The following FAM169A variants were observed in gnomAD, a reference collection of about 807,000 sequenced individuals.
FAM169A encodes soluble lamin-associated protein of 75 kDa.
Under a neutral mutation model 75.7 loss-of-function variants are expected in FAM169A, and 24 were observed. The ratio of observed to expected loss-of-function variants is 0.32; its 90% CI spans 0.23 to 0.45. The LOEUF is 0.45. Ranked by LOEUF, FAM169A falls within the 20% of genes least tolerant of loss-of-function variation. The pLI, the probability that FAM169A is intolerant of heterozygous loss-of-function variation, is 1.00. For missense variants in FAM169A, 673 were observed against 784.0 expected (o/e 0.86, Z 1.69); for synonymous variants, 271 against 271.0 (o/e 1.00, Z 0.00).
rs1561318251 is a variant in FAM169A, at chr5:74,840,153, A to G, written c.153T>C (p.Asn51=). 6.3e-7 allele frequency: 1 copy of G among 1,585,408 alleles called. No homozygotes were observed. The part of the protein sequence containing the change: ...LNITIPISLS[N]VGFVPLYGGD... ...CACCATAAAGAGGTACAAAGCCTAC[A>G]TTTGACAGGCTAATAGGAATCTGAA... Residue 51 remains asparagine (N), a synonymous_variant, in exon 3 of 13, where the codon AAT becomes AAC. Transcript: ENST00000687041.
chr5:74,822,752 T>TACATATGCCTTAGGGAC (rs1206523567), intron 5 of FAM169A, among the ~76,000 whole-genome samples: 1 of 152,208 alleles, frequency 6.6e-6, no homozygotes, highest in African/African-American at 2.4e-5. Flanking sequence ...TATGTCTACT[T>TACATATGCCTTAGGGAC]ACATATGCCT....
Position 74,799,097 on chromosome 5 carries a change from A to G in FAM169A, c.1103+1783T>C, listed in dbSNP as rs547022767. ...GTCAATAATCACGAAGTGCACATCTATAAGAAGAATGGGCGCCAGTGTGTG... is the reference window on the plus strand; with the variant it reads ...GTCAATAATCACGAAGTGCACATCTGTAAGAAGAATGGGCGCCAGTGTGTG... On this transcript the variant is annotated intron_variant, in intron 10 of 12. Coordinates refer to ENST00000687041, the MANE Select transcript of FAM169A (RefSeq NM_001376049.1). 49 of 978,336 alleles carry G rather than the reference A, an allele frequency of 5.0e-5. 1 individual carries two copies. The highest frequency in any genetic ancestry group is 2.7e-4 in the African/African-American group (17 of 63,108). The allele number at this position is 978,336 out of a possible 1,614,324, so 60.6% of individuals were successfully genotyped here. A position where few individuals can be genotyped will look rare whatever the true frequency, so the allele number is the denominator to read the frequency against.
chr5:74,852,836 C>T (rs1749512465), intron 1 of FAM169A, among the ~76,000 whole-genome samples: 1 of 152,116 alleles, frequency 6.6e-6, no homozygotes, highest in Admixed American at 6.5e-5. Context: ...AGGGAAGAGA[C>T]ATTCAAGGCT....
intron 10 of FAM169A, chr5:74,798,905 C>T (rs768826322): frequency 1.8e-5 from 12 of 649,222 alleles, no homozygotes; most frequent in African/African-American, 1.1e-4. Context: ...CTGTTCACAT[C>T]GACTGCCCAG....
chr5:74,782,882 T>C, intron 12 of FAM169A, 49 bp downstream of exon 12: 1 of 1,431,496 alleles, frequency 7.0e-7, no homozygotes, highest in South Asian at 1.2e-5. Context: ...CTCGCTAATG[T>C]CACCAACATT....
intron 5 of FAM169A, among the ~76,000 whole-genome samples, chr5:74,817,809 T>C (rs1446228499): frequency 1.3e-5 from 2 of 152,126 alleles, no homozygotes; most frequent in Non-Finnish European, 2.9e-5. Context: ...TGGGAACACA[T>C]ACACAGATCG....
chr5:74,798,004 AC>A (rs1746366885), intron 10 of FAM169A, among the ~76,000 whole-genome samples: 1 of 152,256 alleles, frequency 6.6e-6, no homozygotes, highest in South Asian at 2.1e-4. Context: ...GATTTGGCCT[AC>A]AGGCCATAGT....
At chr5:74,859,681 T>C (rs1749934164) in intron 1 of FAM169A, among the ~76,000 whole-genome samples, 1 of 152,192 alleles carries the variant, frequency 6.6e-6, no homozygotes, top group Non-Finnish European at 1.5e-5. Flanking sequence ...GAGTGATAGA[T>C]ACATCACGAT....
Position 74,780,012 on chromosome 5 carries a change from T to A in FAM169A, c.*1448A>T, listed in dbSNP as rs188306499. ...AACATTCTCCAACTTAAGTGCAAAT[T>A]TGAGTACACATAATATTTCCAAAGA... On this transcript the variant is annotated 3_prime_UTR_variant, in exon 13 of 13. Transcript: ENST00000687041. 82 of 152,308 alleles carry A rather than the reference T, an allele frequency of 5.4e-4. 1 individual carries two copies. The highest frequency in any genetic ancestry group is 1.9e-3 in the African/African-American group (79 of 41,564). 9.4% of individuals were successfully genotyped at this position (152,308 alleles called of 1,614,324 possible).
At chr5:74,837,640 T>TG (rs1748637000) in intron 4 of FAM169A, among the ~76,000 whole-genome samples, 1 of 152,116 alleles carries the variant, frequency 6.6e-6, no homozygotes, top group Non-Finnish European at 1.5e-5. Context: ...TTCTGTGAAT[T>TG]GGAGTAACAG....
chr5:74,857,194 A>G (rs1407816136), intron 1 of FAM169A, among the ~76,000 whole-genome samples: 1 of 151,678 alleles, frequency 6.6e-6, no homozygotes, highest in Non-Finnish European at 1.5e-5. Context: ...TCTTGAAACC[A>G]TGGTACACCA....
intron 11 of FAM169A, among the ~76,000 whole-genome samples, chr5:74,789,747 T>C (rs895429968): frequency 2.6e-5 from 4 of 152,188 alleles, no homozygotes; most frequent in Non-Finnish European, 5.9e-5. Flanking sequence ...AGATAACTAC[T>C]CTCCTTTAGA....
intron 9 of FAM169A, 126 bp from the exon 10 acceptor site, chr5:74,801,156 C>CT (rs1295764763): frequency 1.7e-6 from 1 of 605,800 alleles, no homozygotes; most frequent in African/African-American, 1.9e-5. Context: ...CAGGTTCACC[C>CT]TCCCCTCACT....
intron 8 of FAM169A, among the ~76,000 whole-genome samples, chr5:74,803,689 C>T (rs543855300): frequency 2.6e-5 from 4 of 152,256 alleles, no homozygotes; most frequent in African/African-American, 7.2e-5. Flanking sequence ...CACAAAACAT[C>T]AGTTCTAGAA....
At chr5:74,801,510 C>T (rs997544738) in intron 9 of FAM169A, 80 bp downstream of exon 9, 7 of 1,079,766 alleles carry the variant, frequency 6.5e-6, no homozygotes, top group African/African-American at 1.6e-5. Flanking sequence ...ACACCACACA[C>T]ACATGCATGC....
intron 11 of FAM169A, 34 bp downstream of exon 11, chr5:74,795,996 T>C (rs1207383659): frequency 6.3e-7 from 1 of 1,593,334 alleles, no homozygotes; most frequent in Non-Finnish European, 8.5e-7. Context: ...TTTAGTTTAC[T>C]TTTTTTCATT....
At chr5:74,840,543 A>G (rs1466597333) in intron 2 of FAM169A, among the ~76,000 whole-genome samples, 2 of 150,416 alleles carry the variant, frequency 1.3e-5, no homozygotes, top group Admixed American at 6.6e-5. Flanking sequence ...AAAAAAAAAA[A>G]GCAGGCCGGG....
chr5:74,824,998 G>A (rs913319993), intron 5 of FAM169A, among the ~76,000 whole-genome samples: 1 of 151,956 alleles, frequency 6.6e-6, no homozygotes, highest in Non-Finnish European at 1.5e-5. Context: ...AGTAATTTGT[G>A]ATTTGTTAGA....
chr5:74,848,615 A>G (rs1749280119), intron 1 of FAM169A: 1 of 152,154 alleles, frequency 6.6e-6, no homozygotes, highest in African/African-American at 2.4e-5. Flanking sequence ...CTTTATGACC[A>G]TAGGCAAGTT....
Sources: allele counts gnomAD v4.1 joint callset (sites outside exome capture counted in the v4.1 genomes callset), GRCh38; gene constraint gnomAD v4.1.1; transcripts MANE v1.5; gene names NCBI Gene and HGNC (gene_info 2026-07-23, HGNC 2026-07-21).